MAP3K7CL: variants seen among roughly 807,000 people sequenced by gnomAD.
MAP3K7CL encodes MAP3K7 C-terminal like.
A neutral mutation model predicts 18.6 loss-of-function variants in MAP3K7CL; 16 were observed. The ratio of observed to expected loss-of-function variants is 0.86; its 90% CI spans 0.58 to 1.31. The LOEUF is 1.31. MAP3K7CL is among the 50% of genes most tolerant of loss of function. The probability of loss-of-function intolerance (pLI) is 0.00; values close to 1 mark genes in which losing one functional copy is unlikely to be tolerated. For synonymous variants in MAP3K7CL, 65 were observed against 66.8 expected, an observed-to-expected ratio of 0.97 and a Z score of 0.13; for missense variants, 163 against 174.4, an observed-to-expected ratio of 0.93 and a Z score of 0.37.
In MAP3K7CL at chr21:29,175,060, G is replaced by T; in HGVS notation, c.*168G>T. The T allele has an allele frequency of 1.8e-6, 1 of 558,808 alleles. No homozygotes were observed. The highest frequency in any genetic ancestry group is 3.0e-6 in the Non-Finnish European group (1 of 334,568). The allele number at this position is 558,808 out of a possible 1,614,324, so 34.6% of individuals were successfully genotyped here. A position where few individuals can be genotyped will look rare whatever the true frequency, so the allele number is the denominator to read the frequency against. ...TTGCCAGCTTCTAGCTTGAGAGAAGGGATATTTTAAATGAGATCATTAACG... is the reference window on the plus strand; with the variant it reads ...TTGCCAGCTTCTAGCTTGAGAGAAGTGATATTTTAAATGAGATCATTAACG... On this transcript the variant is annotated 3_prime_UTR_variant, in exon 5 of 5. Transcript: ENST00000399928.
intron 4 of MAP3K7CL, chr21:29,109,870 G>A (rs1380930438): frequency 3.8e-5 from 31 of 821,038 alleles, no homozygotes; most frequent in Non-Finnish European, 4.3e-5. Context: ...CAAAGGGTAT[G>A]TTGAATTTGT....
At chr21:29,077,226 C>G (rs1056144547), upstream of MAP3K7CL, among the ~76,000 whole-genome samples, 4 of 152,268 alleles carry the variant, frequency 2.6e-5, no homozygotes, top group African/African-American at 9.6e-5. Context: ...GTTGATGGGA[C>G]TGGGCGCTGT....
At chr21:29,154,079 GT>G (rs1185534719) in intron 3 of MAP3K7CL, among the ~76,000 whole-genome samples, 1 of 152,170 alleles carries the variant, frequency 6.6e-6, no homozygotes, top group Non-Finnish European at 1.5e-5. Context: ...TTTCCAGCAT[GT>G]TATTTACTCT....
At chr21:29,114,984 T>C (rs775847686) in intron 4 of MAP3K7CL, among the ~76,000 whole-genome samples, 24 of 152,222 alleles carry the variant, frequency 1.6e-4, no homozygotes, top group Admixed American at 9.8e-4. Flanking sequence ...GAGGAAATCT[T>C]GACTGTTTTC....
intron 2 of MAP3K7CL, among the ~76,000 whole-genome samples, chr21:29,137,007 C>T (rs544785273): frequency 6.6e-6 from 1 of 152,340 alleles, no homozygotes; most frequent in South Asian, 2.1e-4. Flanking sequence ...ATTCAGTTTC[C>T]TGTAAGATGC....
In MAP3K7CL at chr21:29,117,662, T is replaced by C. The variant is rs774788847; in HGVS notation, c.370+25081T>C. On this transcript the variant is annotated intron_variant, in intron 4 of 6. Transcript: ENST00000286791. ...GCATGCTTTCAGGAAGAAGTCCTGC[T>C]GGGTGATTCTAATCTACTATTTTAG... Among the ~76,000 whole-genome samples the C allele has an allele frequency of 3.9e-5, 6 of 152,390 alleles. No individual in the cohort carries two copies. In the South Asian group the frequency reaches 6.2e-4, roughly 16 times the overall value.
chr21:29,146,407 G>T (rs1005831588), intron 2 of MAP3K7CL, among the ~76,000 whole-genome samples: 5 of 150,478 alleles, frequency 3.3e-5, no homozygotes, highest in African/African-American at 7.5e-5. Context: ...CAAAGCATAG[G>T]TTTTATAATG....
chr21:29,149,934 T>C (rs2087230499), intron 3 of MAP3K7CL, among the ~76,000 whole-genome samples: 1 of 152,234 alleles, frequency 6.6e-6, no homozygotes, highest in African/African-American at 2.4e-5. Context: ...ATACTGGCCT[T>C]GGGCCAGCCA....
intron 1 of MAP3K7CL, among the ~76,000 whole-genome samples, chr21:29,080,204 G>A (rs1378706509): frequency 6.6e-6 from 1 of 152,224 alleles, no homozygotes; most frequent in African/African-American, 2.4e-5. Flanking sequence ...CCTGATCAGT[G>A]TGCTAGACTG....
chr21:29,155,932 G>A (rs1483568706), intron 3 of MAP3K7CL, among the ~76,000 whole-genome samples: 2 of 152,190 alleles, frequency 1.3e-5, no homozygotes, highest in Admixed American at 1.3e-4. Context: ...AACCAGATAC[G>A]ATGGCAGGGA....
intron 3 of MAP3K7CL, chr21:29,091,805 T>C (rs1323330982): frequency 1.4e-6 from 1 of 697,588 alleles, no homozygotes; most frequent in Non-Finnish European, 2.6e-6. Context: ...AAATACATGA[T>C]AGTAACTCCC....
intron 3 of MAP3K7CL, among the ~76,000 whole-genome samples, chr21:29,156,400 C>T (rs1423535426): frequency 1.3e-5 from 2 of 152,218 alleles, no homozygotes; most frequent in South Asian, 2.1e-4. Context: ...CATAAACCCA[C>T]GTACAGCCAG....
intron 2 of MAP3K7CL, among the ~76,000 whole-genome samples, chr21:29,147,545 T>C (rs2087161550): frequency 6.6e-6 from 1 of 151,924 alleles, no homozygotes; most frequent in Admixed American, 6.5e-5. Context: ...TATGTATATG[T>C]GTACTGTATC....
chr21:29,142,721 C>T (rs999632644), intron 2 of MAP3K7CL, among the ~76,000 whole-genome samples: 1 of 152,152 alleles, frequency 6.6e-6, no homozygotes. Flanking sequence ...TGGTTATTTC[C>T]TAGGTGCTGG....
chr21:29,109,177 A>G (rs941300160), intron 4 of MAP3K7CL: 2 of 1,535,372 alleles, frequency 1.3e-6, no homozygotes, highest in East Asian at 2.4e-5. Context: ...ACCAGTGCGG[A>G]CTGCAGGTAT....
At chr21:29,079,605 C>T (rs2085803913) in intron 1 of MAP3K7CL, among the ~76,000 whole-genome samples, 1 of 152,238 alleles carries the variant, frequency 6.6e-6, no homozygotes, top group South Asian at 2.1e-4. Flanking sequence ...GTTTCCATGG[C>T]TGCTTTGGCC....
chr21:29,175,045 C>T lies in MAP3K7CL; in HGVS notation c.*153C>T, dbSNP rs2087935493. 1 of 638,030 alleles carries T rather than the reference C, an allele frequency of 1.6e-6. No individual in the cohort carries two copies. Among genetic ancestry groups the T allele is most frequent in the Non-Finnish European group, 2.5e-6 (1 of 399,932 alleles). 39.5% of individuals were successfully genotyped at this position (638,030 alleles called of 1,614,324 possible). A position where few individuals can be genotyped will look rare whatever the true frequency, so the allele number is the denominator to read the frequency against. On this transcript the variant is annotated 3_prime_UTR_variant, in exon 5 of 5. Coordinates refer to ENST00000399928, the MANE Select transcript of MAP3K7CL (RefSeq NM_001286620.2). ...TAATGAGTTTACTGCTTGCCAGCTT[C>T]TAGCTTGAGAGAAGGGATATTTTAA...
chr21:29,099,207 C>T (rs1418258944), intron 4 of MAP3K7CL, among the ~76,000 whole-genome samples: 1 of 151,918 alleles, frequency 6.6e-6, no homozygotes, highest in Non-Finnish European at 1.5e-5. Flanking sequence ...CCTCCCACCC[C>T]AGCTTCCCAA....
chr21:29,113,022 T>C (rs2086446139), intron 4 of MAP3K7CL, among the ~76,000 whole-genome samples: 1 of 152,190 alleles, frequency 6.6e-6, no homozygotes, highest in Admixed American at 6.5e-5. Context: ...TTGGCCAGGC[T>C]AGTCTCAAAC....
Sources: allele counts gnomAD v4.1 joint callset (sites outside exome capture counted in the v4.1 genomes callset), GRCh38; gene constraint gnomAD v4.1.1; transcripts MANE v1.5; gene names NCBI Gene and HGNC (gene_info 2026-07-23, HGNC 2026-07-21).